Variants in RTEL1 observed in about 807,000 individuals in gnomAD.
RTEL1 encodes regulator of telomere elongation helicase 1.
Under a neutral mutation model 162.2 loss-of-function variants are expected in RTEL1, and 86 were observed. The ratio of observed to expected loss-of-function variants is 0.53; its 90% CI spans 0.45 to 0.63. RTEL1 has a LOEUF of 0.63. Ranked by LOEUF, RTEL1 falls within the 30% of genes least tolerant of loss-of-function variation. RTEL1 has a pLI of 0.00. For synonymous variants in RTEL1, 958 were observed against 717.9 expected, an observed-to-expected ratio of 1.33 and a Z score of -5.35; for missense variants, 1,941 against 1,750.2, an observed-to-expected ratio of 1.11 and a Z score of -1.95.
intron 24 of RTEL1, 26 bp downstream of exon 24, chr20:63,689,891 G>C: frequency 1.3e-6 from 2 of 1,586,460 alleles, no homozygotes; most frequent in Non-Finnish European, 1.7e-6. Flanking sequence ...TGGCAGGCGC[G>C]GCGCCAGGGG....
At chr20:63,682,777 A>C in intron 14 of RTEL1, 16 of 823,432 alleles carry the variant, frequency 1.9e-5, no homozygotes, top group Non-Finnish European at 2.3e-5. Flanking sequence ...TGCACAGCTC[A>C]GCTGGAGGCG....
intron 14 of RTEL1, chr20:63,682,431 C>G (rs1477453596): frequency 3.0e-6 from 3 of 985,872 alleles, no homozygotes; most frequent in African/African-American, 3.5e-5. Context: ...GGAGAAGTCT[C>G]CACACTCTGG....
At chr20:63,672,745 A>G in intron 9 of RTEL1, 124 bp downstream of exon 9, 1 of 781,678 alleles carries the variant, frequency 1.3e-6, no homozygotes. Context: ...AGGACTGGGG[A>G]CTGAGCACAC....
In RTEL1 at chr20:63,668,089, C is replaced by T. The variant is rs2090173606; in HGVS notation, c.699+536C>T. On this transcript the variant is annotated intron_variant, in intron 8 of 34. Transcript: ENST00000360203. The surrounding 1 kb of genome is among the most constrained non-coding windows in gnomAD (Gnocchi z 4.3). The stretch of plus-strand genomic sequence containing the variant: ...GTGCCCAGCCCCACTCCCTTCCGCC[C>T]CGTGTGCCCAGCCCCACGCTCACTC... Among the ~76,000 whole-genome samples, 2 of 146,748 alleles carry T rather than the reference C, an allele frequency of 1.4e-5. No individual in the cohort carries two copies. The highest frequency in any genetic ancestry group is 2.2e-4 in the South Asian group (1 of 4,560).
At chr20:63,662,784 T>A in intron 5 of RTEL1, 45 bp from the exon 6 acceptor site, 2 of 1,611,422 alleles carry the variant, frequency 1.2e-6, no homozygotes, top group Non-Finnish European at 1.7e-6. Context: ...CTTCGGTCCT[T>A]TCTTGGCCGT....
At chr20:63,667,625 G>C in intron 8 of RTEL1, 72 bp downstream of exon 8, 10 of 1,249,316 alleles carry the variant, frequency 8.0e-6, no homozygotes, top group Non-Finnish European at 1.2e-5. Context: ...ACAGCTGTCC[G>C]AGCCTTTGCT....
Position 63,695,867 on chromosome 20 carries a change from G to T in RTEL1, c.*9G>T. The T allele has an allele frequency of 6.3e-7, 1 of 1,576,174 alleles. No individual in the cohort carries two copies. Among genetic ancestry groups the T allele is most frequent in the Non-Finnish European group, 8.6e-7 (1 of 1,162,566 alleles). ...GGCCAGAGCCCCAGTGAGTGCCCAC[G>T]GAGGCCCCCAGCACACCCAACGTGG... is the stretch of plus-strand genomic sequence containing the variant. On this transcript the variant is annotated 3_prime_UTR_variant, in exon 35 of 35. Transcript: ENST00000360203.
chr20:63,689,573 A>G lies in RTEL1; in HGVS notation c.1950A>G (p.Pro650=), dbSNP rs761454817. The change falls in exon 23 of 35, where the codon CCA becomes CCG. Residue 650 remains proline, a synonymous_variant. Transcript: ENST00000360203. ...TTGTCACGGGCCTCCCGTACCCCCC[A>G]CGCATGGACCCCCGGGTTGTCCTCA... ...GVIVTGLPYP[P]RMDPRVVLKM... is the part of the protein sequence containing the mutation. 3.7e-6 allele frequency: 6 copies of G among 1,611,930 alleles called. No homozygotes were observed. The highest frequency in any genetic ancestry group is 5.1e-6 in the Non-Finnish European group (6 of 1,179,682).
In RTEL1 at chr20:63,677,451, C is replaced by G. The variant is rs2090378745; in HGVS notation, c.920-694C>G. 1.3e-5 allele frequency among the ~76,000 whole-genome samples: 2 copies of G among 152,120 alleles called. 1 individual carries two copies. The highest frequency in any genetic ancestry group is 1.3e-4 in the Admixed American group (2 of 15,270). ...GCAACAGGGTGAAACCCCATCTCTA[C>G]TAAAAATGCGAAAATTAGCCGGGCA... On this transcript the variant is annotated intron_variant, in intron 10 of 34. Transcript: ENST00000360203.
chr20:63,663,540 C>A (rs1351452844), intron 6 of RTEL1, among the ~76,000 whole-genome samples: 1 of 152,248 alleles, frequency 6.6e-6, no homozygotes, highest in Non-Finnish European at 1.5e-5. Context: ...TCTCCACCCA[C>A]GTGGCTGCCC....
intron 2 of RTEL1, 47 bp downstream of exon 2, chr20:63,659,551 A>G: frequency 1.4e-6 from 2 of 1,410,366 alleles, no homozygotes; most frequent in Non-Finnish European, 2.0e-6. Flanking sequence ...GTGGAGCTTC[A>G]GCCAGGACGG....
chr20:63,692,687 GCCCCA>G, intron 28 of RTEL1, 113 bp from the exon 29 acceptor site: 1 of 990,082 alleles, frequency 1.0e-6, no homozygotes, highest in Non-Finnish European at 1.5e-6. Flanking sequence ...TCAGGCAGCA[GCCCCA>G]CCTCGGCAGT....
intron 14 of RTEL1, chr20:63,682,027 C>T: frequency 1.0e-6 from 1 of 985,466 alleles, no homozygotes; most frequent in Non-Finnish European, 1.2e-6. Flanking sequence ...GCACCTCCAG[C>T]ACATGGCCAG....
At position 63,677,285 on chromosome 20, in the gene RTEL1, C is replaced by G. The variant is rs116216943; in HGVS notation, c.920-860C>G. ...ACTGGGTGTTTTCGTGGAGATACAGCCATACGCACAGGTGTGTTCACAAAT... is the reference window on the plus strand; with the variant it reads ...ACTGGGTGTTTTCGTGGAGATACAGGCATACGCACAGGTGTGTTCACAAAT... On this transcript the variant is annotated intron_variant, in intron 10 of 34. Coordinates refer to ENST00000360203, the MANE Select transcript of RTEL1 (RefSeq NM_001283009.2). Among the ~76,000 whole-genome samples the G allele has an allele frequency of 8.4e-3, 1,282 of 152,322 alleles. 15 individuals are homozygous for G. Among genetic ancestry groups the G allele is most frequent in the African/African-American group, 0.03 (1,231 of 41,560 alleles).
Position 63,690,093 on chromosome 20 carries a change from C to G in RTEL1, c.2148C>G (p.Ala716=), listed in dbSNP as rs2090696568. 6.2e-7 allele frequency: 1 copy of G among 1,611,278 alleles called. No homozygotes were observed. The highest frequency in any genetic ancestry group is 8.5e-7 in the Non-Finnish European group (1 of 1,179,676). The change falls in exon 25 of 35, where the codon GCC becomes GCG. Residue 716 remains alanine, a synonymous_variant. Transcript: ENST00000360203. ...GAVFLCDHRF[A]FADARAQLPS... ...GGCTATGGCCACCCCCCAGGTTCGCCTTTGCCGACGCAAGAGCCCAACTGC... is the reference window on the plus strand; with the variant it reads ...GGCTATGGCCACCCCCCAGGTTCGCGTTTGCCGACGCAAGAGCCCAACTGC...
chr20:63,695,888 C>A lies in RTEL1; in HGVS notation c.*30C>A. The A allele has an allele frequency of 6.4e-7, 1 of 1,552,014 alleles. No homozygotes were observed. The highest frequency in any genetic ancestry group is 8.7e-7 in the Non-Finnish European group (1 of 1,148,150). On this transcript the variant is annotated 3_prime_UTR_variant, in exon 35 of 35. Transcript: ENST00000360203. ...CCACGGAGGCCCCCAGCACACCCAA[C>A]GTGGCTTGATCACCTGCCTGTCCAG...
chr20:63,690,656 G>C, intron 26 of RTEL1, 149 bp from the exon 27 acceptor site: 1 of 1,045,474 alleles, frequency 9.6e-7, no homozygotes, highest in Non-Finnish European at 1.4e-6. Flanking sequence ...GATGCCCCCC[G>C]AGGCTGAGAC....
chr20:63,695,010 TG>T (rs777526267), intron 32 of RTEL1, 36 bp downstream of exon 32: 2 of 1,607,342 alleles, frequency 1.2e-6, no homozygotes, highest in Non-Finnish European at 1.7e-6. Context: ...GCCGGTGGGG[TG>T]GGGGGCAGGG....
intron 28 of RTEL1, 143 bp from the exon 29 acceptor site, chr20:63,692,662 C>A: frequency 1.3e-6 from 1 of 782,386 alleles, no homozygotes; most frequent in Non-Finnish European, 2.1e-6. Flanking sequence ...TATGTCCATC[C>A]AGCCAGCCAG....
Sources: allele counts gnomAD v4.1 joint callset (sites outside exome capture counted in the v4.1 genomes callset), GRCh38; gene constraint gnomAD v4.1.1; non-coding constraint Gnocchi (gnomAD v3.1); transcripts MANE v1.5; gene names NCBI Gene and HGNC (gene_info 2026-07-23, HGNC 2026-07-21).